PRICKLE2: variants seen among roughly 807,000 people sequenced by gnomAD.
The protein encoded by PRICKLE2 is prickle planar cell polarity protein 2.
Under a neutral mutation model 81.4 loss-of-function variants are expected in PRICKLE2, and 21 were observed. The ratio of observed to expected loss-of-function variants is 0.26; its 90% confidence interval spans 0.18 to 0.37. PRICKLE2 has a LOEUF of 0.37. Among genes scored for constraint, PRICKLE2 ranks in the 10% least tolerant of loss-of-function variants. The pLI is 1.00. For missense variants in PRICKLE2, 940 were observed against 1,109.0 expected (o/e 0.85, Z 2.16); for synonymous variants, 456 against 421.5 (o/e 1.08, Z -1.00).
At chr3:64,203,190 C>G (rs1237067506) in intron 1 of PRICKLE2, among the ~76,000 whole-genome samples, 1 of 152,292 alleles carries the variant, frequency 6.6e-6, no homozygotes, top group East Asian at 1.9e-4. Flanking sequence ...GAATGCACAC[C>G]TTGGATCTCG....
chr3:64,166,698 C>G (rs2077838957), intron 2 of PRICKLE2, among the ~76,000 whole-genome samples: 1 of 152,052 alleles, frequency 6.6e-6, no homozygotes. Context: ...AGCAAGATGC[C>G]CCATTTCTAA....
At chr3:64,212,396 G>A (rs1323182009) in intron 1 of PRICKLE2, among the ~76,000 whole-genome samples, 2 of 152,072 alleles carry the variant, frequency 1.3e-5, no homozygotes, top group Non-Finnish European at 2.9e-5. Context: ...ATCCTTTGGG[G>A]GACCAATTTC....
intron 2 of PRICKLE2, among the ~76,000 whole-genome samples, chr3:64,184,936 G>A (rs6802554): frequency 0.039 from 5,925 of 152,226 alleles, 370 homozygotes; most frequent in African/African-American, 0.13. Context: ...CTCAACACAC[G>A]TAGAATTGCC....
intron 7 of PRICKLE2, among the ~76,000 whole-genome samples, chr3:64,122,407 A>T (rs2077041266): frequency 6.6e-6 from 1 of 152,166 alleles, no homozygotes; most frequent in African/African-American, 2.4e-5. Flanking sequence ...AATCACCTGC[A>T]AGTTCCCCAG....
At chr3:64,201,465 T>C (rs2078577929) in intron 1 of PRICKLE2, among the ~76,000 whole-genome samples, 1 of 152,222 alleles carries the variant, frequency 6.6e-6, no homozygotes, top group Non-Finnish European at 1.5e-5. Context: ...TATTTAATTG[T>C]GGTTTTGATT....
intron 6 of PRICKLE2, among the ~76,000 whole-genome samples, chr3:64,150,453 C>T (rs2077527041): frequency 6.6e-6 from 1 of 152,138 alleles, no homozygotes; most frequent in Non-Finnish European, 1.5e-5. Flanking sequence ...GAAAGCCTGC[C>T]TCTCTCTTCG....
intron 7 of PRICKLE2, among the ~76,000 whole-genome samples, chr3:64,110,463 T>C (rs973886196): frequency 3.3e-5 from 5 of 152,122 alleles, no homozygotes; most frequent in African/African-American, 1.2e-4. Context: ...GGATATGACC[T>C]AGTGCAGGGA....
intron 1 of PRICKLE2, among the ~76,000 whole-genome samples, chr3:64,221,863 C>T (rs1348981151): frequency 6.6e-6 from 1 of 152,114 alleles, no homozygotes; most frequent in Non-Finnish European, 1.5e-5. Context: ...GTCATTGAGC[C>T]CTTCTCAAAT....
rs1295220752 is a variant in PRICKLE2, at chr3:64,093,491, G to A, written c.*5560C>T. On this transcript the variant is annotated 3_prime_UTR_variant, in exon 8 of 8. Transcript: ENST00000638394. ...TTACATTCCCACCAACAGTGTACAA[G>A]TGTTCCAATTGCTCCACATCCTCAC... 6.6e-6 allele frequency: 1 copy of A among 152,130 alleles called. No homozygotes were observed. The highest frequency in any genetic ancestry group is 1.5e-5 in the Non-Finnish European group (1 of 68,032). 9.4% of individuals were successfully genotyped at this position (152,130 alleles called of 1,614,324 possible).
chr3:64,244,276 T>C (rs1232208744), intron 2 of PRICKLE2, among the ~76,000 whole-genome samples: 3 of 152,200 alleles, frequency 2.0e-5, no homozygotes, highest in Non-Finnish European at 4.4e-5. Context: ...CTGGATACCC[T>C]GGAATCTCAG....
At chr3:64,242,958 T>C (rs1463680393) in intron 2 of PRICKLE2, among the ~76,000 whole-genome samples, 1 of 152,238 alleles carries the variant, frequency 6.6e-6, no homozygotes, top group Non-Finnish European at 1.5e-5. Context: ...TAATTGTTTC[T>C]ATCTGAGAGA....
chr3:64,137,356 C>G (rs2077293386), intron 7 of PRICKLE2, among the ~76,000 whole-genome samples: 1 of 152,164 alleles, frequency 6.6e-6, no homozygotes, highest in Non-Finnish European at 1.5e-5. Context: ...CCCATCACGA[C>G]ACACCACGCC....
intron 1 of PRICKLE2, among the ~76,000 whole-genome samples, chr3:64,214,692 T>G (rs1018930119): frequency 6.6e-6 from 1 of 152,196 alleles, no homozygotes; most frequent in Non-Finnish European, 1.5e-5. Flanking sequence ...TGGATTCACA[T>G]GTCTACAGGA....
At chr3:64,266,510 C>T (rs539873413) in intron 2 of PRICKLE2, among the ~76,000 whole-genome samples, 2 of 152,170 alleles carry the variant, frequency 1.3e-5, no homozygotes, top group Non-Finnish European at 2.9e-5. Context: ...CTTTTTGGCC[C>T]CATGGGAAGA....
chr3:64,128,032 A>G (rs2077137520), intron 7 of PRICKLE2, among the ~76,000 whole-genome samples: 1 of 152,062 alleles, frequency 6.6e-6, no homozygotes. Flanking sequence ...TGATCAAAAA[A>G]AGTTCCACTT....
At chr3:64,126,683 T>C (rs891570203) in intron 7 of PRICKLE2, among the ~76,000 whole-genome samples, 4 of 152,212 alleles carry the variant, frequency 2.6e-5, no homozygotes, top group Admixed American at 1.3e-4. Context: ...GTACAAGCTA[T>C]TCTCCTGCCT....
chr3:64,147,795 T>C lies in PRICKLE2; in HGVS notation c.788-93A>G. ...CATAGCACCTTGGTTTGTCTCAGGA[T>C]TCCAGGTGCGGCAGGATAAACTGTC... On this transcript the variant is annotated intron_variant, in intron 6 of 7. Coordinates refer to ENST00000638394, the MANE Select transcript of PRICKLE2 (RefSeq NM_198859.4). This position sits in a 1 kb window ranked among gnomAD's most constrained non-coding sequence, Gnocchi z 5.0. 1 of 1,366,702 alleles carries C rather than the reference T, an allele frequency of 7.3e-7. No individual in the cohort carries two copies. The highest frequency in any genetic ancestry group is 1.0e-6 in the Non-Finnish European group (1 of 959,706). The allele number at this position is 1,366,702 out of a possible 1,614,324, so 84.7% of individuals were successfully genotyped here.
chr3:64,170,896 ACAAAACAAAAAAACT>A (rs953399409), intron 2 of PRICKLE2, among the ~76,000 whole-genome samples: 1 of 151,892 alleles, frequency 6.6e-6, no homozygotes, highest in Non-Finnish European at 1.5e-5. Context: ...ACAAAACAAT[ACAAAACAAAAAAACT>A]CAAAACCCCC....
chr3:64,133,709 A>C (rs1424642295), intron 7 of PRICKLE2, among the ~76,000 whole-genome samples: 1 of 152,184 alleles, frequency 6.6e-6, no homozygotes, highest in Non-Finnish European at 1.5e-5. Flanking sequence ...TAATTAGGCC[A>C]CAGATTCTGG....
Sources: gnomAD v4.1 joint callset for allele counts (sites outside exome capture counted in the v4.1 genomes callset) on GRCh38, gnomAD v4.1.1 for gene constraint, Gnocchi (gnomAD v3.1) non-coding constraint, MANE v1.5 for transcripts, NCBI Gene and HGNC (gene_info 2026-07-23, HGNC 2026-07-21) for gene names.